Variants in ASIC2 observed in about 807,000 individuals in gnomAD.
ASIC2 encodes the protein acid-sensing ion channel 2.
In ASIC2, 25 loss-of-function variants were observed where a neutral mutation model predicts 57.3. The ratio of observed to expected loss-of-function variants is 0.44; its 90% CI spans 0.32 to 0.61. The LOEUF (loss-of-function observed/expected upper bound fraction) is 0.61. ASIC2 is among the 20% of genes least tolerant of loss of function. The pLI is 0.06. For missense variants in ASIC2, 641 were observed against 738.1 expected (o/e 0.87, Z 1.52); for synonymous variants, 319 against 307.5 (o/e 1.04, Z -0.39).
intron 1 of ASIC2, among the ~76,000 whole-genome samples, chr17:33,902,892 A>C (rs1020353449): frequency 6.6e-6 from 1 of 152,232 alleles, no homozygotes; most frequent in Admixed American, 6.5e-5. Flanking sequence ...ACCCATCTGA[A>C]GAAACAAACA....
chr17:34,150,966 G>A (rs1269281300), intron 1 of ASIC2, among the ~76,000 whole-genome samples: 2 of 152,058 alleles, frequency 1.3e-5, no homozygotes, highest in Non-Finnish European at 2.9e-5. Context: ...TACCAGGCAT[G>A]GTGGCAGGCG....
At chr17:33,329,412 C>A (rs561867248) in intron 1 of ASIC2, among the ~76,000 whole-genome samples, 7 of 152,262 alleles carry the variant, frequency 4.6e-5, no homozygotes, top group Non-Finnish European at 1.0e-4. Flanking sequence ...GGATAGCAAC[C>A]TGCAGGGGAT....
chr17:34,059,751 C>T (rs1908901445), intron 1 of ASIC2, among the ~76,000 whole-genome samples: 1 of 152,086 alleles, frequency 6.6e-6, no homozygotes, highest in South Asian at 2.1e-4. Context: ...ACCTGCGTGA[C>T]TCAGCAGAGG....
intron 1 of ASIC2, among the ~76,000 whole-genome samples, chr17:33,224,411 G>A (rs1907801286): frequency 6.6e-6 from 1 of 152,208 alleles, no homozygotes; most frequent in South Asian, 2.1e-4. Context: ...GAGAGGGGAG[G>A]AGAGTGGTCA....
chr17:33,763,490 G>T (rs1910847044), intron 1 of ASIC2, among the ~76,000 whole-genome samples: 1 of 152,124 alleles, frequency 6.6e-6, no homozygotes, highest in Admixed American at 6.5e-5. Flanking sequence ...TTGGGCACTG[G>T]GATGGATTGC....
At chr17:33,819,617 C>A (rs757453055) in intron 1 of ASIC2, among the ~76,000 whole-genome samples, 4 of 152,184 alleles carry the variant, frequency 2.6e-5, no homozygotes, top group African/African-American at 7.2e-5. Context: ...GGGATCATTG[C>A]AGTTTGGGAA....
At chr17:33,790,864 A>G (rs183066325) in intron 1 of ASIC2, among the ~76,000 whole-genome samples, 6 of 152,296 alleles carry the variant, frequency 3.9e-5, no homozygotes, top group Admixed American at 3.9e-4. Flanking sequence ...ATGATGCTTA[A>G]CACTTTTCAG....
chr17:33,581,879 G>A (rs999589776), intron 1 of ASIC2, among the ~76,000 whole-genome samples: 1 of 152,162 alleles, frequency 6.6e-6, no homozygotes. Context: ...TTTTGGTTTA[G>A]CTTTAGGAAG....
chr17:33,099,096 G>A (rs2092198733), intron 2 of ASIC2, among the ~76,000 whole-genome samples: 1 of 151,902 alleles, frequency 6.6e-6, no homozygotes, highest in African/African-American at 2.4e-5. Flanking sequence ...AGGTTCAAGC[G>A]ACTCTCCTGC....
At chr17:33,932,741 A>AAAAAATATATATATATATATATATAT (rs1555572867) in intron 1 of ASIC2, 1 of 58,716 alleles carries the variant, frequency 1.7e-5, no homozygotes, top group Non-Finnish European at 3.1e-5. Context: ...AAAAAAAAAA[A>AAAAAATATATATATATATATATATAT]ATATATATAT....
At chr17:33,389,828 G>A (rs1909825773) in intron 1 of ASIC2, among the ~76,000 whole-genome samples, 1 of 152,206 alleles carries the variant, frequency 6.6e-6, no homozygotes, top group East Asian at 1.9e-4. Context: ...TGAGTTTGGG[G>A]AAATGAGGCT....
At chr17:34,151,739 G>A (rs1206399203) in intron 1 of ASIC2, among the ~76,000 whole-genome samples, 1 of 152,200 alleles carries the variant, frequency 6.6e-6, no homozygotes, top group Non-Finnish European at 1.5e-5. Flanking sequence ...CAAACCACTG[G>A]ACTGAGAGTT....
chr17:33,034,013 C>A lies in ASIC2; in HGVS notation c.988-5621G>T, dbSNP rs578118244. On this transcript the variant is annotated intron_variant, in intron 3 of 9. Transcript: ENST00000225823. ...AGATGATCAGCTGCAGAGAGGTGTA[C>A]CCTCTCCACTGAGAGCTGCAGAGAT... Among the ~76,000 whole-genome samples, 9 of 152,170 alleles carry A rather than the reference C, an allele frequency of 5.9e-5. No individual in the cohort carries two copies. The East Asian group carries it at 1.7e-3, about 30-fold the overall frequency.
intron 1 of ASIC2, among the ~76,000 whole-genome samples, chr17:33,319,284 G>A (rs1393969518): frequency 6.6e-6 from 1 of 152,174 alleles, no homozygotes; most frequent in African/African-American, 2.4e-5. Flanking sequence ...GGTAGTTCTG[G>A]ACATCTTCAG....
intron 1 of ASIC2, among the ~76,000 whole-genome samples, chr17:33,260,010 C>T (rs374694312): frequency 2.0e-5 from 3 of 152,122 alleles, no homozygotes; most frequent in South Asian, 2.1e-4. Flanking sequence ...CGGTGGTGCA[C>T]GCTGGCAGTC....
chr17:33,623,422 GC>G (rs1159626635), intron 1 of ASIC2: 1 of 112,276 alleles, frequency 8.9e-6, no homozygotes, highest in Non-Finnish European at 1.9e-5. Context: ...ACCACGCCCA[GC>G]CAATTTTTTT....
intron 1 of ASIC2, among the ~76,000 whole-genome samples, chr17:33,452,875 G>A (rs774475950): frequency 1.3e-5 from 2 of 151,910 alleles, no homozygotes; most frequent in Non-Finnish European, 2.9e-5. Flanking sequence ...TGAAACTTTT[G>A]TCAAAGCCAT....
rs1316852157 is a variant in ASIC2 at position 33,176,644 on chromosome 17, C to CTAA, written c.709-64580_709-64578dup. ...ACAGGCATGAGCCACAATGCCTGGC[C>CTAA]TAATAATTGTTGAATATGAGGGACT... On this transcript the variant is annotated intron_variant, in intron 1 of 9. Coordinates refer to ENST00000225823, the MANE Select transcript of ASIC2 (RefSeq NM_183377.2). 5.3e-5 allele frequency among the ~76,000 whole-genome samples: 8 copies of CTAA among 152,330 alleles called. No individual in the cohort carries two copies. The East Asian group carries it at 1.5e-3, about 29-fold the overall frequency.
chr17:33,671,458 G>C (rs1382446283), intron 1 of ASIC2, among the ~76,000 whole-genome samples: 2 of 152,218 alleles, frequency 1.3e-5, no homozygotes, highest in Non-Finnish European at 2.9e-5. Context: ...TTGGTGAACT[G>C]TTCACTAGAC....
Sources: gnomAD v4.1 joint callset for allele counts (sites outside exome capture counted in the v4.1 genomes callset) on GRCh38, gnomAD v4.1.1 for gene constraint, MANE v1.5 for transcripts, NCBI Gene and HGNC (gene_info 2026-07-23, HGNC 2026-07-21) for gene names.